ADAMTS12: variants seen among roughly 807,000 people sequenced by gnomAD.
ADAMTS12 encodes the protein ADAM metallopeptidase with thrombospondin type 1 motif 12, also known as A disintegrin and metalloproteinase with thrombospondin motifs 12.
A neutral mutation model predicts 167.8 loss-of-function variants in ADAMTS12; 118 were observed. The ratio of observed to expected loss-of-function variants is 0.70; its 90% CI spans 0.61 to 0.82. ADAMTS12 has a LOEUF of 0.82. Among genes scored for constraint, ADAMTS12 ranks in the 40% least tolerant of loss-of-function variants. The pLI is 0.00. For synonymous variants in ADAMTS12, 704 were observed against 716.9 expected (o/e 0.98, Z 0.29); for missense variants, 1,916 against 1,998.8 (o/e 0.96, Z 0.79).
chr5:33,727,018 T>C (rs553688653), intron 3 of ADAMTS12, among the ~76,000 whole-genome samples: 125 of 152,274 alleles, frequency 8.2e-4, no homozygotes, highest in African/African-American at 2.9e-3. Flanking sequence ...ATCAAATCTC[T>C]AGTCGAGTCA....
chr5:33,718,600 C>T (rs1173180863), intron 3 of ADAMTS12, among the ~76,000 whole-genome samples: 1 of 151,828 alleles, frequency 6.6e-6, no homozygotes, highest in Non-Finnish European at 1.5e-5. Context: ...TCCATGAAAT[C>T]AGTCCTTGAT....
At chr5:33,662,154 A>T (rs1252019857) in intron 5 of ADAMTS12, 114 bp from the exon 6 acceptor site, 2 of 1,378,780 alleles carry the variant, frequency 1.5e-6, no homozygotes, top group African/African-American at 2.9e-5. Context: ...GGGTGGGTGC[A>T]TCAGACATTT....
chr5:33,804,012 CA>C (rs1747120256), intron 2 of ADAMTS12, among the ~76,000 whole-genome samples: 1 of 152,212 alleles, frequency 6.6e-6, no homozygotes, highest in East Asian at 1.9e-4. Context: ...CATCCTTTAC[CA>C]AATGTCTTTA....
chr5:33,745,475 C>T (rs1377253807), intron 3 of ADAMTS12, among the ~76,000 whole-genome samples: 1 of 152,032 alleles, frequency 6.6e-6, no homozygotes, highest in Non-Finnish European at 1.5e-5. Flanking sequence ...CCAAAGGCAC[C>T]CTCCCACCTT....
At chr5:33,614,515 ATACCTAT>A in intron 15 of ADAMTS12, 139 bp from the exon 16 acceptor site, 1 of 982,342 alleles carries the variant, frequency 1.0e-6, no homozygotes. Context: ...AAATAGATCT[ATACCTAT>A]GTCTGTGCCT....
intron 10 of ADAMTS12, among the ~76,000 whole-genome samples, chr5:33,643,036 A>G (rs937203533): frequency 6.6e-6 from 1 of 152,232 alleles, no homozygotes; most frequent in African/African-American, 2.4e-5. Flanking sequence ...TATCCTTTTC[A>G]ATCTTCCATA....
At chr5:33,565,978 A>G (rs1745996163) in intron 19 of ADAMTS12, among the ~76,000 whole-genome samples, 1 of 152,184 alleles carries the variant, frequency 6.6e-6, no homozygotes, top group African/African-American at 2.4e-5. Context: ...TAATTCCACA[A>G]CTGCTCTGGG....
intron 7 of ADAMTS12, among the ~76,000 whole-genome samples, chr5:33,654,874 TTGTGTG>T (rs34219097): frequency 0.017 from 2,434 of 141,636 alleles, 56 homozygotes; most frequent in African/African-American, 0.06. Flanking sequence ...GTGGGTGATT[TTGTGTG>T]TGTGTGTGTG....
At chr5:33,668,040 G>T (rs1164504662) in intron 5 of ADAMTS12, among the ~76,000 whole-genome samples, 1 of 152,184 alleles carries the variant, frequency 6.6e-6, no homozygotes, top group East Asian at 1.9e-4. Flanking sequence ...GCAACAAGAA[G>T]TAAGTGACAC....
At chr5:33,617,908 G>A (rs1361750365) in intron 14 of ADAMTS12, among the ~76,000 whole-genome samples, 1 of 152,118 alleles carries the variant, frequency 6.6e-6, no homozygotes, top group Non-Finnish European at 1.5e-5. Flanking sequence ...TTAACTTACT[G>A]CTTCTGAATA....
intron 9 of ADAMTS12, among the ~76,000 whole-genome samples, chr5:33,644,104 A>G (rs930147029): frequency 1.3e-5 from 2 of 152,016 alleles, no homozygotes; most frequent in African/African-American, 4.8e-5. Flanking sequence ...TTCATCTTCC[A>G]TAGTTCTATC....
chr5:33,713,142 T>G (rs1743464802), intron 3 of ADAMTS12, among the ~76,000 whole-genome samples: 1 of 152,162 alleles, frequency 6.6e-6, no homozygotes, highest in Non-Finnish European at 1.5e-5. Context: ...TCTTAGAGTT[T>G]GGTTCATAAT....
chr5:33,674,895 G>C (rs1741846610), intron 5 of ADAMTS12, among the ~76,000 whole-genome samples: 1 of 152,150 alleles, frequency 6.6e-6, no homozygotes, highest in Admixed American at 6.5e-5. Flanking sequence ...CCAATGTAAA[G>C]ATATTGGGAG....
chr5:33,890,164 AAAG>A (rs757843087), intron 1 of ADAMTS12, among the ~76,000 whole-genome samples: 2 of 152,114 alleles, frequency 1.3e-5, no homozygotes, highest in African/African-American at 4.8e-5. Context: ...ATTCCCTTAC[AAAG>A]AAGATGTGGA....
intron 19 of ADAMTS12, among the ~76,000 whole-genome samples, chr5:33,569,034 G>A (rs1746166086): frequency 6.6e-6 from 1 of 152,234 alleles, no homozygotes; most frequent in Non-Finnish European, 1.5e-5. Context: ...CGGCAGCAAG[G>A]CTGGGGGAGG....
intron 16 of ADAMTS12, among the ~76,000 whole-genome samples, chr5:33,611,237 A>G (rs1335302847): frequency 1.3e-5 from 2 of 152,216 alleles, no homozygotes; most frequent in Admixed American, 1.3e-4. Context: ...TTAACCATAT[A>G]CATGAGAATA....
In ADAMTS12 at chr5:33,743,857, C is replaced by T. The variant is rs544433973; in HGVS notation, c.634+7547G>A. 1.2e-4 allele frequency among the ~76,000 whole-genome samples: 18 copies of T among 152,258 alleles called. 1 individual carries two copies. Among genetic ancestry groups the T allele is most frequent in the African/African-American group, 4.3e-4 (18 of 41,550 alleles). On this transcript the variant is annotated intron_variant, in intron 3 of 23. Coordinates refer to ENST00000504830, the MANE Select transcript of ADAMTS12 (RefSeq NM_030955.4). Reference sequence around the variant, plus strand: ...CACCCTCAGGCCACAAGTCACAACCCTTGCCACATCTTTGTCTCTGGTGCA... The same window carrying T: ...CACCCTCAGGCCACAAGTCACAACCTTTGCCACATCTTTGTCTCTGGTGCA...
chr5:33,846,006 A>G (rs1265701641), intron 2 of ADAMTS12, among the ~76,000 whole-genome samples: 1 of 152,180 alleles, frequency 6.6e-6, no homozygotes, highest in African/African-American at 2.4e-5. Flanking sequence ...AATGACCCAA[A>G]TACCTCCCAC....
intron 3 of ADAMTS12, among the ~76,000 whole-genome samples, chr5:33,744,891 T>G (rs1301461949): frequency 6.6e-6 from 1 of 152,230 alleles, no homozygotes; most frequent in Non-Finnish European, 1.5e-5. Context: ...TATAGCTCAC[T>G]GCAGCCTCAA....
Sources: gnomAD v4.1 joint callset for allele counts (sites outside exome capture counted in the v4.1 genomes callset) on GRCh38, gnomAD v4.1.1 for gene constraint, MANE v1.5 for transcripts, NCBI Gene and HGNC (gene_info 2026-07-23, HGNC 2026-07-21) for gene names.